TPRA1: variants seen among roughly 807,000 people sequenced by gnomAD.
TPRA1 encodes the protein transmembrane protein adipocyte-associated 1.
A neutral mutation model predicts 40.1 loss-of-function variants in TPRA1; 28 were observed. The observed-to-expected ratio is 0.70, with a 90% CI of 0.52 to 0.96. The LOEUF (loss-of-function observed/expected upper bound fraction) is 0.96, where lower values mean the gene tolerates loss of function less well. TPRA1 is among the 40% of genes least tolerant of loss of function. The pLI is 0.00. For synonymous variants in TPRA1, 219 were observed against 209.7 expected, an observed-to-expected ratio of 1.04 and a Z score of -0.38; for missense variants, 441 against 482.6, an observed-to-expected ratio of 0.91 and a Z score of 0.81.
rs147527991 is a variant in TPRA1 at position 127,586,762 on chromosome 3, C to G, written c.-18+3648G>C. 3.6e-3 allele frequency among the ~76,000 whole-genome samples: 546 copies of G among 152,332 alleles called. 3 individuals are homozygous for G. The highest frequency in any genetic ancestry group is 0.012 in the African/African-American group (506 of 41,572). On this transcript the variant is annotated intron_variant, in intron 1 of 10. Coordinates refer to ENST00000355552, the MANE Select transcript of TPRA1 (RefSeq NM_001136053.4). Reference sequence around the variant, plus strand: ...AATGGAATGTCACGCAGCCCCAAGACGGGCAGGGCCAGGGTGCAGGCCAGG... The same window carrying G: ...AATGGAATGTCACGCAGCCCCAAGAGGGGCAGGGCCAGGGTGCAGGCCAGG...
At chr3:127,597,650 C>A (rs1377154458) in intron 1 of TPRA1, among the ~76,000 whole-genome samples, 1 of 152,178 alleles carries the variant, frequency 6.6e-6, no homozygotes, top group Admixed American at 6.5e-5. Context: ...CTCCCCTGGG[C>A]AAAGATAACT....
At chr3:127,592,366 T>C (rs1576403960), upstream of TPRA1, among the ~76,000 whole-genome samples, 2 of 134,454 alleles carry the variant, frequency 1.5e-5, no homozygotes, top group Middle Eastern at 3.7e-3. Flanking sequence ...AGCAACATGC[T>C]GTTTTTTTTT....
chr3:127,587,355 C>T (rs1235752272), intron 1 of TPRA1, among the ~76,000 whole-genome samples: 2 of 152,162 alleles, frequency 1.3e-5, no homozygotes, highest in Admixed American at 6.5e-5. Context: ...GATTCAGCCA[C>T]ATCCAAAGCC....
At chr3:127,591,492 C>CA (rs1473664967), upstream of TPRA1, among the ~76,000 whole-genome samples, 27 of 152,316 alleles carry the variant, frequency 1.8e-4, no homozygotes, top group African/African-American at 6.5e-4. Context: ...CCTGTCTTAT[C>CA]CCCTGGCATC....
chr3:127,592,402 G>A (rs1301122947), upstream of TPRA1, among the ~76,000 whole-genome samples: 3 of 121,462 alleles, frequency 2.5e-5, no homozygotes, highest in Non-Finnish European at 5.0e-5. Flanking sequence ...TTTTTGAGAC[G>A]GAGTCTCGCT....
Position 127,576,679 on chromosome 3 carries a change from A to C in TPRA1, c.436T>G (p.Ser146Ala). 1 of 1,610,848 alleles carries C rather than the reference A, an allele frequency of 6.2e-7. No individual in the cohort carries two copies. The highest frequency in any genetic ancestry group is 1.1e-5 in the South Asian group (1 of 90,468). The change falls in exon 6 of 11, where the codon TCC becomes GCC. Residue 146 changes from serine to alanine, a missense_variant. Physicochemically the swap from Ser to Ala is moderately conservative, Grantham distance 99. Transcript: ENST00000355552. The surrounding 1 kb of genome is among the most constrained non-coding windows in gnomAD (Gnocchi z 4.6). Reference protein sequence around the residue: ...GLAFGHLESKSSIKRVLAITT... With the variant: ...GLAFGHLESKASIKRVLAITT... The stretch of plus-strand genomic sequence containing the variant: ...ATGGCCAGCACCCGCTTGATGCTGG[A>C]CTTACTCTCCAGGTGGCCTGGAAGA...
chr3:127,589,215 C>A (rs1235385981), intron 1 of TPRA1, among the ~76,000 whole-genome samples: 5 of 144,114 alleles, frequency 3.5e-5, no homozygotes, highest in African/African-American at 1.2e-4. Context: ...AGGTCATGGT[C>A]ACGCAATGCA....
intron 1 of TPRA1, 28 bp from the exon 2 acceptor site, chr3:127,580,191 C>G: frequency 6.3e-7 from 1 of 1,596,930 alleles, no homozygotes; most frequent in Non-Finnish European, 8.5e-7. Flanking sequence ...GCCCAGTGAG[C>G]TGTGTGGCCT....
chr3:127,573,674 TGCA>T lies in TPRA1; in HGVS notation c.966_968del (p.Ala323del), dbSNP rs2073458926. 2.5e-6 allele frequency: 4 copies of T among 1,613,626 alleles called. No individual in the cohort carries two copies. Among genetic ancestry groups the T allele is most frequent in the East Asian group, 2.2e-5 (1 of 44,884 alleles). ...TGGCAGCTGAGGCCCCAGCAGCCCC[TGCA>T]GCCTCCAGGCCCTCCCGCCGGGCCA... On this transcript the variant is annotated inframe_deletion, in exon 11 of 11. Transcript: ENST00000355552.
chr3:127,581,934 A>T (rs2073845748), intron 1 of TPRA1, among the ~76,000 whole-genome samples: 1 of 151,864 alleles, frequency 6.6e-6, no homozygotes, highest in Admixed American at 6.6e-5. Context: ...AAAAAAAAAA[A>T]AAAGAAAAAG....
At chr3:127,582,950 C>A (rs1315744749) in intron 1 of TPRA1, among the ~76,000 whole-genome samples, 2 of 151,968 alleles carry the variant, frequency 1.3e-5, no homozygotes, top group African/African-American at 4.8e-5. Context: ...TCGAGACCAC[C>A]CTGACCAACA....
chr3:127,592,613 C>A (rs2074198003), upstream of TPRA1, among the ~76,000 whole-genome samples: 2 of 151,886 alleles, frequency 1.3e-5, no homozygotes, highest in African/African-American at 4.8e-5. Context: ...TCTCGATCTC[C>A]TGACCTCATG....
chr3:127,581,607 A>C (rs2073833468), intron 1 of TPRA1, among the ~76,000 whole-genome samples: 1 of 152,098 alleles, frequency 6.6e-6, no homozygotes, highest in South Asian at 2.1e-4. Flanking sequence ...TACTTCAGTA[A>C]ATTTTAAAAA....
chr3:127,592,348 C>T (rs970026616), upstream of TPRA1, among the ~76,000 whole-genome samples: 9 of 134,570 alleles, frequency 6.7e-5, no homozygotes, highest in Non-Finnish European at 1.2e-4. Flanking sequence ...CAACACGAGG[C>T]GGTGTGGAGC....
At chr3:127,595,877 C>A (rs2074235652) in intron 1 of TPRA1, among the ~76,000 whole-genome samples, 1 of 152,046 alleles carries the variant, frequency 6.6e-6, no homozygotes, top group Non-Finnish European at 1.5e-5. Context: ...CCTATGAGGA[C>A]CTGAATCCTA....
At chr3:127,577,203 G>C in intron 3 of TPRA1, 127 bp from the exon 4 acceptor site, 1 of 903,528 alleles carries the variant, frequency 1.1e-6, no homozygotes, top group Non-Finnish European at 1.7e-6. Flanking sequence ...AAGGCGCAAA[G>C]TCAGGGTGGG....
upstream of TPRA1, among the ~76,000 whole-genome samples, chr3:127,592,916 T>C (rs1010582913): frequency 6.6e-6 from 1 of 152,244 alleles, no homozygotes; most frequent in Non-Finnish European, 1.5e-5. Context: ...GCTTCTGCTA[T>C]CTTGCTGGCA....
intron 1 of TPRA1, among the ~76,000 whole-genome samples, chr3:127,586,183 C>A (rs569995249): frequency 6.6e-6 from 1 of 152,156 alleles, no homozygotes; most frequent in African/African-American, 2.4e-5. Flanking sequence ...TGGGCCACCA[C>A]GCTGAGCATG....
chr3:127,579,854 G>C lies in TPRA1; in HGVS notation c.144C>G (p.Leu48=), dbSNP rs138504527. The change falls in exon 3 of 11, where the codon CTC becomes CTG. Residue 48 remains leucine, a synonymous_variant. Transcript: ENST00000355552. The part of the protein sequence containing the change: ...IGTSRVRYWD[L]LLLIPNVLFL... ...AGAGCACATTGGGGATGAGCAGCAA[G>C]AGGTCCCAGTACCGGACCCTGGCGG... The C allele has an allele frequency of 6.2e-7, 1 of 1,613,878 alleles. No individual in the cohort carries two copies. Among genetic ancestry groups the C allele is most frequent in the Non-Finnish European group, 8.5e-7 (1 of 1,180,028 alleles).
Sources: gnomAD v4.1 joint callset for allele counts (sites outside exome capture counted in the v4.1 genomes callset) on GRCh38, gnomAD v4.1.1 for gene constraint, Gnocchi (gnomAD v3.1) non-coding constraint, MANE v1.5 for transcripts, NCBI Gene and HGNC (gene_info 2026-07-23, HGNC 2026-07-21) for gene names.